Variants in FBXO9 observed in about 807,000 individuals in gnomAD.
The protein encoded by FBXO9 is F-box protein 9, also known as F-box only protein 9.
FBXO9 carries 43 observed loss-of-function variants against 63.7 expected under a neutral mutation model. The observed-to-expected ratio is 0.67, with a 90% CI of 0.53 to 0.87. FBXO9 has a LOEUF of 0.87. FBXO9 is among the 40% of genes least tolerant of loss of function. The pLI, the probability that FBXO9 is intolerant of heterozygous loss-of-function variation, is 0.00. For synonymous variants in FBXO9, 156 were observed against 171.7 expected, an observed-to-expected ratio of 0.91 and a Z score of 0.72; for missense variants, 442 against 533.2, an observed-to-expected ratio of 0.83 and a Z score of 1.68.
Position 53,099,457 on chromosome 6 carries a change from T to TG in FBXO9, c.*1627_*1628insG, listed in dbSNP as rs1162031394. 1 of 147,348 alleles carries TG rather than the reference T, an allele frequency of 6.8e-6. No homozygotes were observed. The highest frequency in any genetic ancestry group is 2.5e-5 in the African/African-American group (1 of 39,708). 9.1% of individuals were successfully genotyped at this position (147,348 alleles called of 1,614,324 possible). The stretch of plus-strand genomic sequence containing the variant: ...AAATGTGCATACAGAAGGAAGAGAG[T>TG]TGGCCAGGTGTGGTGACTCACACCT... On this transcript the variant is annotated 3_prime_UTR_variant, in exon 13 of 13. Coordinates refer to ENST00000323557, the MANE Select transcript of FBXO9 (RefSeq NM_033480.3).
chr6:53,075,136 A>C (rs371719393), intron 3 of FBXO9, among the ~76,000 whole-genome samples: 5 of 151,694 alleles, frequency 3.3e-5, no homozygotes, highest in Non-Finnish European at 7.4e-5. Flanking sequence ...TAATTTAATT[A>C]ATTTATTTAT....
chr6:53,070,909 G>A lies in FBXO9; in HGVS notation c.4-148G>A, dbSNP rs756852753. On this transcript the variant is annotated intron_variant, in intron 1 of 12. Transcript: ENST00000323557. ...GGAAATTAATAGTAAGGTCTCAAGT[G>A]CCCCCTACAGCCTTGCTACTCAAAG... 5.3e-5 allele frequency: 67 copies of A among 1,275,218 alleles called. 1 individual carries two copies. Among genetic ancestry groups the A allele is most frequent in the Non-Finnish European group, 7.0e-5 (66 of 943,282 alleles). 79.0% of individuals were successfully genotyped at this position (1,275,218 alleles called of 1,614,324 possible). A position where few individuals can be genotyped will look rare whatever the true frequency, so the allele number is the denominator to read the frequency against.
chr6:53,087,951 A>C (rs1395316137), intron 7 of FBXO9, among the ~76,000 whole-genome samples: 1 of 152,198 alleles, frequency 6.6e-6, no homozygotes, highest in Non-Finnish European at 1.5e-5. Context: ...ACCTTATCAC[A>C]ACTTATATTG....
chr6:53,093,988 C>T lies in FBXO9; in HGVS notation c.1053+10C>T, dbSNP rs186720734. On this transcript the variant is annotated intron_variant, in intron 11 of 12. Transcript: ENST00000323557. ...TAAGAAAAAAGAAGAAGTGAGTATA[C>T]GAGGTGTAATTAATAGTTTTCTTAT... The T allele has an allele frequency of 2.1e-4, 324 of 1,510,924 alleles. 1 individual carries two copies. In the East Asian group the frequency reaches 5.3e-3, roughly 25 times the overall value. 93.6% of individuals were successfully genotyped at this position (1,510,924 alleles called of 1,614,324 possible).
Position 53,098,284 on chromosome 6 carries a change from C to A in FBXO9, c.*454C>A. 1 of 206,690 alleles carries A rather than the reference C, an allele frequency of 4.8e-6. No homozygotes were observed. 12.8% of individuals were successfully genotyped at this position (206,690 alleles called of 1,614,324 possible). A position where few individuals can be genotyped will look rare whatever the true frequency, so the allele number is the denominator to read the frequency against. The stretch of plus-strand genomic sequence containing the variant: ...TCCCGCATGGCATAATGTTTTTGCA[C>A]TAAAGGCTCAAAGTGTGAGAACCTG... On this transcript the variant is annotated 3_prime_UTR_variant, in exon 13 of 13. Coordinates refer to ENST00000323557, the MANE Select transcript of FBXO9 (RefSeq NM_033480.3).
chr6:53,076,422 C>T, intron 3 of FBXO9, 64 bp from the exon 4 acceptor site: 5 of 1,016,266 alleles, frequency 4.9e-6, no homozygotes, highest in Non-Finnish European at 7.2e-6. Context: ...AAAGGCTCTC[C>T]TTCTGCCATC....
intron 7 of FBXO9, among the ~76,000 whole-genome samples, chr6:53,089,065 TTTTG>T (rs1385433747): frequency 2.0e-5 from 3 of 150,600 alleles, no homozygotes; most frequent in Admixed American, 6.6e-5. Context: ...TGGGGTTTTT[TTTTG>T]TTTGTTTTTG....
At chr6:53,077,404 C>T (rs553323116) in intron 4 of FBXO9, among the ~76,000 whole-genome samples, 6 of 123,534 alleles carry the variant, frequency 4.9e-5, no homozygotes, top group Non-Finnish European at 9.6e-5. Flanking sequence ...ACCCGGGAGG[C>T]GGAGCTTGCA....
chr6:53,080,874 TG>T, intron 5 of FBXO9, 93 bp from the exon 6 acceptor site: 9 of 1,455,310 alleles, frequency 6.2e-6, no homozygotes, highest in South Asian at 1.3e-5. Flanking sequence ...GGTGACTTTT[TG>T]TAAAGCAAAT....
At chr6:53,093,856 T>C in intron 10 of FBXO9, 29 bp from the exon 11 acceptor site, 1 of 1,477,362 alleles carries the variant, frequency 6.8e-7, no homozygotes, top group Non-Finnish European at 9.2e-7. Context: ...AATAACTGAT[T>C]TAGATTCAAT....
rs553126076 is a variant in FBXO9, at chr6:53,075,086, G to T, written c.250-1400G>T. Among the ~76,000 whole-genome samples the T allele has an allele frequency of 2.6e-5, 4 of 152,142 alleles. No individual in the cohort carries two copies. The East Asian group carries it at 7.7e-4, about 29-fold the overall frequency. ...CCACCAGCAATGTATGAGTGATCCA[G>T]TTCATCCTCATCAGCATTTAGTGTT... On this transcript the variant is annotated intron_variant, in intron 3 of 12. Coordinates refer to ENST00000323557, the MANE Select transcript of FBXO9 (RefSeq NM_033480.3).
At chr6:53,092,096 G>GC (rs1362595997) in intron 7 of FBXO9, 2 of 227,952 alleles carry the variant, frequency 8.8e-6, no homozygotes, top group African/African-American at 4.7e-5. Context: ...TCTGGTTGCT[G>GC]CCTGAGATAC....
chr6:53,065,036 TAAC>T (rs1768633094), upstream of FBXO9: 1 of 152,270 alleles, frequency 6.6e-6, no homozygotes, highest in Non-Finnish European at 1.5e-5. Flanking sequence ...TTAGTCGTTA[TAAC>T]AACTGTGACT....
chr6:53,066,222 C>A, intron 1 of FBXO9: 2 of 904,206 alleles, frequency 2.2e-6, no homozygotes, highest in Non-Finnish European at 1.3e-6. Flanking sequence ...TGCTCTTCTG[C>A]GGAAAAGCCA....
chr6:53,073,727 C>A, intron 3 of FBXO9, 88 bp downstream of exon 3: 1 of 1,146,894 alleles, frequency 8.7e-7, no homozygotes, highest in Non-Finnish European at 1.2e-6. Context: ...GGCATTATAA[C>A]CAGACTTTCG....
chr6:53,079,819 A>G (rs551872147), intron 5 of FBXO9, among the ~76,000 whole-genome samples: 41 of 152,248 alleles, frequency 2.7e-4, no homozygotes, highest in African/African-American at 9.4e-4. Flanking sequence ...TTTTAACTGC[A>G]TATGGTATTA....
Position 53,098,203 on chromosome 6 carries a change from A to G in FBXO9, c.*373A>G. 1 of 361,790 alleles carries G rather than the reference A, an allele frequency of 2.8e-6. No homozygotes were observed. The highest frequency in any genetic ancestry group is 5.8e-6 in the Non-Finnish European group (1 of 173,524). The allele number at this position is 361,790 out of a possible 1,614,324, so 22.4% of individuals were successfully genotyped here. A position where few individuals can be genotyped will look rare whatever the true frequency, so the allele number is the denominator to read the frequency against. On this transcript the variant is annotated 3_prime_UTR_variant, in exon 13 of 13. Coordinates refer to ENST00000323557, the MANE Select transcript of FBXO9 (RefSeq NM_033480.3). ...TGTCACATAAGTCGTCTTCTGCTTG[A>G]GTATCCTAATATTTCAATGCATCAG...
chr6:53,079,549 A>G (rs148445898), intron 5 of FBXO9, among the ~76,000 whole-genome samples: 1 of 152,196 alleles, frequency 6.6e-6, no homozygotes, highest in Admixed American at 6.5e-5. Flanking sequence ...AAGATCAAGA[A>G]AACTTATTTT....
In FBXO9 at chr6:53,093,889, G is replaced by T; in HGVS notation, c.964G>T (p.Asp322Tyr). ...PRLRTRNTRTDAILLGHYRLS... is the reference protein window; with the variant it reads ...PRLRTRNTRTYAILLGHYRLS... ...AATTTGTTTTTTTTTTTTAAGGACT[G>T]ATGCAATTCTACTGGGTCACTATCG... is the stretch of plus-strand genomic sequence containing the variant. Residue 322 changes from aspartate (D) to tyrosine (Y), a missense_variant, in exon 11 of 13, where the codon GAT becomes TAT. Around this residue, in one of 2 missense-constraint regions of FBXO9, gnomAD observed 262 missense variants for 362.1 expected, o/e 0.72. Coordinates refer to ENST00000323557, the MANE Select transcript of FBXO9 (RefSeq NM_033480.3). 1 of 1,535,266 alleles carries T rather than the reference G, an allele frequency of 6.5e-7. No homozygotes were observed. Among genetic ancestry groups the T allele is most frequent in the Non-Finnish European group, 8.8e-7 (1 of 1,138,662 alleles).
Sources: allele counts gnomAD v4.1 joint callset (sites outside exome capture counted in the v4.1 genomes callset), GRCh38; gene constraint gnomAD v4.1.1; regional missense constraint gnomAD v4.1.1; transcripts MANE v1.5; gene names NCBI Gene and HGNC (gene_info 2026-07-23, HGNC 2026-07-21).